Variants in PITPNM2 observed in about 807,000 individuals in gnomAD.
PITPNM2 encodes the protein membrane-associated phosphatidylinositol transfer protein 2.
In PITPNM2, 35 loss-of-function variants were observed where a neutral mutation model predicts 132.2. That is an observed-to-expected ratio of 0.26 (90% CI 0.20 to 0.35). The LOEUF (loss-of-function observed/expected upper bound fraction) is 0.35. Among genes scored for constraint, PITPNM2 ranks in the 10% least tolerant of loss-of-function variants. The pLI, the probability that PITPNM2 is intolerant of heterozygous loss-of-function variation, is 1.00. For missense variants in PITPNM2, 1,332 were observed against 1,912.0 expected, an observed-to-expected ratio of 0.70 and a Z score of 5.66; for synonymous variants, 738 against 799.2, an observed-to-expected ratio of 0.92 and a Z score of 1.29.
At chr12:123,096,968 G>A (rs1235480767) in intron 2 of PITPNM2, among the ~76,000 whole-genome samples, 2 of 152,176 alleles carry the variant, frequency 1.3e-5, no homozygotes, top group East Asian at 3.8e-4. Flanking sequence ...CAACACAGCT[G>A]TCCCCAGGAC....
intron 1 of PITPNM2, among the ~76,000 whole-genome samples, chr12:123,128,261 C>T (rs796925981): frequency 8.1e-4 from 42 of 52,086 alleles, no homozygotes; most frequent in African/African-American, 3.5e-3. Context: ...AACCCCATCT[C>T]TACAAAAAAA....
In PITPNM2 at chr12:123,058,102, C is replaced by G. The variant is rs984525804; in HGVS notation, c.-95-23417G>C. Among the ~76,000 whole-genome samples, 4 of 152,230 alleles carry G rather than the reference C, an allele frequency of 2.6e-5. No homozygotes were observed. Among genetic ancestry groups the G allele is most frequent in the African/African-American group, 9.7e-5 (4 of 41,440 alleles). On this transcript the variant is annotated intron_variant, in intron 2 of 25. Coordinates refer to ENST00000320201, the MANE Select transcript of PITPNM2 (RefSeq NM_020845.3). This position sits in a 1 kb window ranked among gnomAD's most constrained non-coding sequence, Gnocchi z 4.0. ...ACTCTTCAAAGTACTTACGAACCCA[C>G]GTTCTTCACTTCTTCTTTTTGGGCA... is the stretch of plus-strand genomic sequence containing the variant.
intron 17 of PITPNM2, among the ~76,000 whole-genome samples, chr12:122,990,150 T>C (rs2038123713): frequency 6.6e-6 from 1 of 152,210 alleles, no homozygotes; most frequent in Non-Finnish European, 1.5e-5. Context: ...TGACCACAGC[T>C]GCGAGAATCC....
chr12:123,133,042 C>T (rs547238035), intron 1 of PITPNM2, among the ~76,000 whole-genome samples: 2 of 152,324 alleles, frequency 1.3e-5, no homozygotes, highest in African/African-American at 4.8e-5. Flanking sequence ...CAAGTCCCTG[C>T]TTTCAAGTCT....
chr12:123,104,465 G>C (rs929497538), intron 2 of PITPNM2, among the ~76,000 whole-genome samples: 5 of 152,198 alleles, frequency 3.3e-5, no homozygotes, highest in African/African-American at 1.2e-4. Context: ...GCCGGTCCTT[G>C]CCTTAACTGA....
chr12:123,004,741 A>G lies in PITPNM2; in HGVS notation c.953-252T>C, dbSNP rs1464399333. 5.0e-6 allele frequency: 3 copies of G among 599,190 alleles called. No individual in the cohort carries two copies. The highest frequency in any genetic ancestry group is 4.4e-4 in the Middle Eastern group (1 of 2,274). The allele number at this position is 599,190 out of a possible 1,614,324, so 37.1% of individuals were successfully genotyped here. ...ATGGGTGGGGAAGAGCATGACAGAC[A>G]TAAGCCCAGGACGTGGGGTAAGACA... is the stretch of plus-strand genomic sequence containing the variant. On this transcript the variant is annotated intron_variant, in intron 7 of 25. Coordinates refer to ENST00000320201, the MANE Select transcript of PITPNM2 (RefSeq NM_020845.3). The surrounding 1 kb of genome is among the most constrained non-coding windows in gnomAD (Gnocchi z 4.9).
At chr12:123,074,608 T>G (rs1189129936) in intron 2 of PITPNM2, among the ~76,000 whole-genome samples, 1 of 151,424 alleles carries the variant, frequency 6.6e-6, no homozygotes, top group Non-Finnish European at 1.5e-5. Flanking sequence ...GACACACACA[T>G]GCCTACACAT....
In PITPNM2 at chr12:123,005,257, C is replaced by T. The variant is rs79347622; in HGVS notation, c.935G>A (p.Arg312Gln). ...KQWSTSSKSS[R>Q]SSKRGASPSR... ...GGCCTTACCTCCCCGCTTGGACGAC[C>T]GAGACGACTTGGAGGATGTGGACCA... is the stretch of plus-strand genomic sequence containing the variant. The change falls in exon 7 of 26, where the codon CGG becomes CAG. Residue 312 changes from arginine to glutamine, a missense_variant. Arg to Gln is a conservative substitution (Grantham distance 43). Coordinates refer to ENST00000320201, the MANE Select transcript of PITPNM2 (RefSeq NM_020845.3). The surrounding 1 kb of genome is among the most constrained non-coding windows in gnomAD (Gnocchi z 6.2). 26 of 1,612,378 alleles carry T rather than the reference C, an allele frequency of 1.6e-5. No homozygotes were observed. The East Asian group carries it at 2.2e-4, about 14-fold the overall frequency.
Position 123,111,317 on chromosome 12 carries a change from G to A in PITPNM2, c.-199-829C>T, listed in dbSNP as rs1392621286. Among the ~76,000 whole-genome samples the A allele has an allele frequency of 6.6e-6, 1 of 152,238 alleles. No individual in the cohort carries two copies. Among genetic ancestry groups the A allele is most frequent in the African/African-American group, 2.4e-5 (1 of 41,462 alleles). On this transcript the variant is annotated intron_variant, in intron 1 of 25. Coordinates refer to ENST00000320201, the MANE Select transcript of PITPNM2 (RefSeq NM_020845.3). This position sits in a 1 kb window ranked among gnomAD's most constrained non-coding sequence, Gnocchi z 4.1. ...GGCTCTCCAATGACCATGACAGAGA[G>A]GCTGCTTATCTGCTGGCTATGGAAG...
intron 2 of PITPNM2, among the ~76,000 whole-genome samples, chr12:123,109,109 G>C (rs2042782071): frequency 6.6e-6 from 1 of 152,214 alleles, no homozygotes; most frequent in Admixed American, 6.5e-5. Context: ...TGCAGCAGGG[G>C]CTGGGTACAT....
chr12:123,068,401 T>C (rs1189359375), intron 2 of PITPNM2, among the ~76,000 whole-genome samples: 2 of 151,772 alleles, frequency 1.3e-5, no homozygotes, highest in African/African-American at 2.4e-5. Context: ...TGAGCCAAGA[T>C]TGCCCCACTG....
chr12:123,134,840 T>C (rs1021368662), intron 1 of PITPNM2, among the ~76,000 whole-genome samples: 2 of 152,148 alleles, frequency 1.3e-5, no homozygotes, highest in African/African-American at 4.8e-5. Context: ...ATAAGGCCTC[T>C]GCGGGACTCA....
At chr12:123,141,418 G>C (rs1381387911) in intron 1 of PITPNM2, among the ~76,000 whole-genome samples, 1 of 152,174 alleles carries the variant, frequency 6.6e-6, no homozygotes, top group African/African-American at 2.4e-5. Context: ...ACAATCCACA[G>C]ACGCTGGATC....
intron 1 of PITPNM2, among the ~76,000 whole-genome samples, chr12:123,139,048 G>A (rs1334559132): frequency 6.6e-6 from 1 of 152,082 alleles, no homozygotes; most frequent in Non-Finnish European, 1.5e-5. Context: ...TGAGGCAGGA[G>A]GATCCCTTGA....
chr12:122,998,413 C>T (rs550373292), intron 10 of PITPNM2, among the ~76,000 whole-genome samples: 3 of 152,186 alleles, frequency 2.0e-5, no homozygotes, highest in Non-Finnish European at 2.9e-5. Context: ...TATCACATAG[C>T]GTGTCGGTGC....
At position 123,111,973 on chromosome 12, in the gene PITPNM2, G is replaced by A. The variant is rs1484365973; in HGVS notation, c.-199-1485C>T. On this transcript the variant is annotated intron_variant, in intron 1 of 25. Coordinates refer to ENST00000320201, the MANE Select transcript of PITPNM2 (RefSeq NM_020845.3). This position sits in a 1 kb window ranked among gnomAD's most constrained non-coding sequence, Gnocchi z 4.1. Reference sequence around the variant, plus strand: ...CCATGGTAACGCACCCATCAATGGCGAGCCAGATTTGGTAGACCAGCCCCG... The same window carrying A: ...CCATGGTAACGCACCCATCAATGGCAAGCCAGATTTGGTAGACCAGCCCCG... Among the ~76,000 whole-genome samples the A allele has an allele frequency of 2.0e-5, 3 of 152,086 alleles. No individual in the cohort carries two copies. Among genetic ancestry groups the A allele is most frequent in the Non-Finnish European group, 2.9e-5 (2 of 68,028 alleles).
At position 123,022,377 on chromosome 12, in the gene PITPNM2, G is replaced by A. The variant is rs981141495; in HGVS notation, c.79-8335C>T. Among the ~76,000 whole-genome samples the A allele has an allele frequency of 6.6e-6, 1 of 152,046 alleles. No homozygotes were observed. Among genetic ancestry groups the A allele is most frequent in the Non-Finnish European group, 1.5e-5 (1 of 68,010 alleles). On this transcript the variant is annotated intron_variant, in intron 3 of 25. Coordinates refer to ENST00000320201, the MANE Select transcript of PITPNM2 (RefSeq NM_020845.3). The surrounding 1 kb of genome is among the most constrained non-coding windows in gnomAD (Gnocchi z 4.9). ...GACCCACAGAGCATCAGACACCAGCGCTCCTCGTGCACACTAGGGCTGAGA... is the reference window on the plus strand; with the variant it reads ...GACCCACAGAGCATCAGACACCAGCACTCCTCGTGCACACTAGGGCTGAGA...
rs979397965 is a variant in PITPNM2 at position 123,108,527 on chromosome 12, C to G, written c.-96+1858G>C. Among the ~76,000 whole-genome samples the G allele has an allele frequency of 6.6e-6, 1 of 152,160 alleles. No individual in the cohort carries two copies. The highest frequency in any genetic ancestry group is 2.4e-5 in the African/African-American group (1 of 41,414). On this transcript the variant is annotated intron_variant, in intron 2 of 25. Transcript: ENST00000320201. The surrounding 1 kb of genome is among the most constrained non-coding windows in gnomAD (Gnocchi z 4.4). ...ACAGGACAACCACGAGGCCCCAACC[C>G]CGCAGAACCCGAGTGACCCCTGGAG... is the stretch of plus-strand genomic sequence containing the variant.
chr12:123,046,860 A>G (rs1044119989), intron 2 of PITPNM2, among the ~76,000 whole-genome samples: 1 of 152,228 alleles, frequency 6.6e-6, no homozygotes, highest in African/African-American at 2.4e-5. Flanking sequence ...TCATTATGGT[A>G]CCTTGCCCCT....
Sources: allele counts gnomAD v4.1 joint callset (sites outside exome capture counted in the v4.1 genomes callset), GRCh38; gene constraint gnomAD v4.1.1; non-coding constraint Gnocchi (gnomAD v3.1); transcripts MANE v1.5; gene names NCBI Gene and HGNC (gene_info 2026-07-23, HGNC 2026-07-21).